The following CERK variants were observed in gnomAD, a reference collection of about 807,000 sequenced individuals.
CERK encodes the protein acylsphingosine kinase.
Under a neutral mutation model 63.4 loss-of-function variants are expected in CERK, and 39 were observed. The ratio of observed to expected loss-of-function variants is 0.61; its 90% CI spans 0.48 to 0.80. The LOEUF (loss-of-function observed/expected upper bound fraction) is 0.80. Ranked by LOEUF, CERK falls within the 30% of genes least tolerant of loss-of-function variation. The pLI, the probability that CERK is intolerant of heterozygous loss-of-function variation, is 0.00. For synonymous variants in CERK, 302 were observed against 280.0 expected (o/e 1.08, Z -0.78); for missense variants, 670 against 714.1 (o/e 0.94, Z 0.70).
intron 1 of CERK, among the ~76,000 whole-genome samples, chr22:46,723,334 A>G (rs568510378): frequency 6.6e-5 from 10 of 152,324 alleles, no homozygotes; most frequent in Non-Finnish European, 1.3e-4. Flanking sequence ...GAATAAGAAC[A>G]CAGGGCGGAC....
chr22:46,712,256 C>A lies in CERK; in HGVS notation c.417G>T (p.Pro139=). The A allele has an allele frequency of 6.2e-7, 1 of 1,613,944 alleles. No homozygotes were observed. Residue 139 remains proline, a synonymous_variant, in exon 4 of 13, where the codon CCG becomes CCT. Transcript: ENST00000216264. ...RPKHLLVFIN[P]FGGKGQGKRI... Reference sequence around the variant, plus strand: ...GCTTGCCTTGTCCTTTTCCTCCAAACGGGTTGATAAATACCAGTAAATGCT... The same window carrying A: ...GCTTGCCTTGTCCTTTTCCTCCAAAAGGGTTGATAAATACCAGTAAATGCT...
At chr22:46,730,063 C>CAAAA (rs1008329747) in intron 1 of CERK, among the ~76,000 whole-genome samples, 21 of 151,650 alleles carry the variant, frequency 1.4e-4, no homozygotes, top group African/African-American at 4.6e-4. Flanking sequence ...AACAAACAAA[C>CAAAA]AAAAAACAAA....
intron 4 of CERK, 53 bp from the exon 5 acceptor site, chr22:46,711,202 C>T (rs147179724): frequency 4.3e-5 from 57 of 1,331,386 alleles, no homozygotes; most frequent in African/African-American, 2.0e-4. Context: ...TGAGTCCTCA[C>T]GTAAAAGGCA....
intron 6 of CERK, among the ~76,000 whole-genome samples, chr22:46,707,248 C>A (rs1047693123): frequency 3.9e-5 from 6 of 152,140 alleles, no homozygotes; most frequent in Non-Finnish European, 8.8e-5. Flanking sequence ...ATTTGCAAAG[C>A]CTGCAACACA....
In CERK at chr22:46,738,069, G is replaced by A. The variant is rs1601736936; in HGVS notation, c.80C>T (p.Pro27Leu). The A allele has an allele frequency of 3.2e-6, 4 of 1,267,820 alleles. No individual in the cohort carries two copies. The highest frequency in any genetic ancestry group is 4.0e-6 in the Non-Finnish European group (4 of 1,001,652). 78.5% of individuals were successfully genotyped at this position (1,267,820 alleles called of 1,614,324 possible). Residue 27 changes from proline (P) to leucine (L), a missense_variant, in exon 1 of 13, where the codon CCC (proline) becomes CTC (leucine). Pro to Leu is a moderately conservative substitution (Grantham distance 98). Transcript: ENST00000216264. ...KQQRCAVSLEPARALLRWWRS... is the reference protein window; with the variant it reads ...KQQRCAVSLELARALLRWWRS... ...CCACCAGCGCAGCAGAGCCCGCGCG[G>A]GCTCCAGGCTCACGGCGCAGCGCTG...
chr22:46,708,281 A>G (rs1409469872), intron 5 of CERK, among the ~76,000 whole-genome samples: 1 of 152,216 alleles, frequency 6.6e-6, no homozygotes, highest in Non-Finnish European at 1.5e-5. Context: ...CCTCAAAAAC[A>G]CTACACTCTG....
chr22:46,696,714 G>A (rs1204910534), intron 8 of CERK, among the ~76,000 whole-genome samples: 1 of 152,256 alleles, frequency 6.6e-6, no homozygotes, highest in African/African-American at 2.4e-5. Flanking sequence ...TTTCCTGAGA[G>A]CATCTCAGGC....
chr22:46,715,897 A>G (rs1410350898), intron 3 of CERK, among the ~76,000 whole-genome samples: 1 of 152,206 alleles, frequency 6.6e-6, no homozygotes, highest in Non-Finnish European at 1.5e-5. Context: ...TTAAAATCAT[A>G]AAAATAGGCC....
intron 5 of CERK, among the ~76,000 whole-genome samples, chr22:46,710,050 C>G (rs8140310): frequency 6.6e-6 from 1 of 152,138 alleles, no homozygotes; most frequent in East Asian, 1.9e-4. Context: ...ATATTAGAGA[C>G]TTTCACATGT....
chr22:46,724,446 G>A (rs527333692), intron 1 of CERK, among the ~76,000 whole-genome samples: 1 of 152,164 alleles, frequency 6.6e-6, no homozygotes, highest in Non-Finnish European at 1.5e-5. Context: ...CACTGGGTGC[G>A]GCTCAGGACA....
chr22:46,722,423 A>G (rs1370241811), intron 1 of CERK, among the ~76,000 whole-genome samples: 3 of 152,008 alleles, frequency 2.0e-5, no homozygotes, highest in African/African-American at 7.2e-5. Flanking sequence ...TGGGTTACAG[A>G]GGATGAAGTC....
chr22:46,702,219 ATATATGTGTGTGTG>A (rs2082789290), intron 6 of CERK, among the ~76,000 whole-genome samples: 1 of 97,210 alleles, frequency 1.0e-5, no homozygotes, highest in South Asian at 3.2e-4. Flanking sequence ...AAAAAAATAT[ATATATGTGTGTGTG>A]TGTGTGTGTG....
chr22:46,713,569 G>C (rs562557250), intron 3 of CERK, among the ~76,000 whole-genome samples: 2 of 148,830 alleles, frequency 1.3e-5, no homozygotes, highest in Admixed American at 1.3e-4. Flanking sequence ...GTTCATCACA[G>C]CATTCTTCAC....
At chr22:46,726,863 C>G (rs5769116) in intron 1 of CERK, among the ~76,000 whole-genome samples, 67,761 of 151,856 alleles carry the variant, frequency 0.45, 17,325 homozygotes, top group Non-Finnish European at 0.56. Flanking sequence ...CACGTGACGC[C>G]CACAGGTCAG....
rs763776348 is a variant in CERK at position 46,720,984 on chromosome 22, G to A, written c.174C>T (p.Ile58=). 6.2e-6 allele frequency: 10 copies of A among 1,613,322 alleles called. No homozygotes were observed. In the Admixed American group the frequency reaches 6.7e-5, roughly 11 times the overall value. ...DACSVPVSEI[I]AVEETDVHGK... is the part of the protein sequence containing the mutation. Reference sequence around the variant, plus strand: ...CGTGAACGTCTGTTTCCTCAACGGCGATGATCTCAGATACAGGCACAGAGC... The same window carrying A: ...CGTGAACGTCTGTTTCCTCAACGGCAATGATCTCAGATACAGGCACAGAGC... The change falls in exon 2 of 13, where the codon ATC becomes ATT. Residue 58 remains isoleucine, a synonymous_variant. Coordinates refer to ENST00000216264, the MANE Select transcript of CERK (RefSeq NM_022766.6).
At position 46,700,083 on chromosome 22, in the gene CERK, A is replaced by T. The variant is rs552719639; in HGVS notation, c.791-618T>A. Among the ~76,000 whole-genome samples, 3 of 145,438 alleles carry T rather than the reference A, an allele frequency of 2.1e-5. No homozygotes were observed. In the East Asian group the frequency reaches 6.2e-4, roughly 30 times the overall value. ...CAGCCTGGGCCACACACAGAGTGAG[A>T]CTCTGTTTCAAAAAAAATAAAATAG... is the stretch of plus-strand genomic sequence containing the variant. On this transcript the variant is annotated intron_variant, in intron 7 of 12. Transcript: ENST00000216264.
chr22:46,723,495 T>C (rs2082902714), intron 1 of CERK, among the ~76,000 whole-genome samples: 1 of 151,944 alleles, frequency 6.6e-6, no homozygotes, highest in Non-Finnish European at 1.5e-5. Flanking sequence ...GGTGTGTGCC[T>C]GTAATCCCAG....
intron 5 of CERK, among the ~76,000 whole-genome samples, chr22:46,710,452 T>G (rs979983260): frequency 6.7e-6 from 1 of 148,224 alleles, no homozygotes; most frequent in Admixed American, 6.7e-5. Context: ...AAAAAAAGAA[T>G]GTAAGTTAAT....
chr22:46,696,052 C>T (rs1271559527), intron 8 of CERK, among the ~76,000 whole-genome samples: 2 of 152,162 alleles, frequency 1.3e-5, no homozygotes, highest in Non-Finnish European at 1.5e-5. Flanking sequence ...GTGGCAGTGA[C>T]GGCCTGCAGG....
Sources: gnomAD v4.1 joint callset for allele counts (sites outside exome capture counted in the v4.1 genomes callset) on GRCh38, gnomAD v4.1.1 for gene constraint, MANE v1.5 for transcripts, NCBI Gene and HGNC (gene_info 2026-07-23, HGNC 2026-07-21) for gene names.